MICU3: variants seen among roughly 807,000 people sequenced by gnomAD.
MICU3 encodes mitochondrial calcium uptake 3, also known as calcium uptake protein 3, mitochondrial.
In MICU3, 62 loss-of-function variants were observed where a neutral mutation model predicts 66.5. The ratio of observed to expected loss-of-function variants is 0.93; its 90% confidence interval spans 0.76 to 1.15. The LOEUF is 1.15. Among genes scored for constraint, MICU3 ranks in the 50% most tolerant of loss-of-function variants. The pLI is 0.00. For synonymous variants in MICU3, 308 were observed against 240.7 expected (o/e 1.28, Z -2.59); for missense variants, 779 against 664.4 (o/e 1.17, Z -1.90).
intron 2 of MICU3, among the ~76,000 whole-genome samples, chr8:17,068,671 T>C (rs953823090): frequency 2.0e-5 from 3 of 152,218 alleles, no homozygotes; most frequent in African/African-American, 7.2e-5. Context: ...AAGAAATCTA[T>C]CCTTAGAAAC....
intron 1 of MICU3, among the ~76,000 whole-genome samples, chr8:17,036,253 C>T (rs1041007396): frequency 1.3e-5 from 2 of 152,060 alleles, no homozygotes; most frequent in African/African-American, 4.8e-5. Context: ...GGCTCGTGGT[C>T]TTGCTGGGCT....
intron 10 of MICU3, among the ~76,000 whole-genome samples, chr8:17,105,180 G>C (rs1801634150): frequency 6.6e-6 from 1 of 151,872 alleles, no homozygotes; most frequent in Non-Finnish European, 1.5e-5. Flanking sequence ...TATAGATGAG[G>C]AAACTAAACC....
At chr8:17,072,140 A>T (rs755237859) in intron 3 of MICU3, among the ~76,000 whole-genome samples, 4 of 152,166 alleles carry the variant, frequency 2.6e-5, no homozygotes, top group Non-Finnish European at 4.4e-5. Flanking sequence ...GGTTGATCAC[A>T]TATCAAGATT....
At chr8:17,034,218 T>C (rs542300708) in intron 1 of MICU3, among the ~76,000 whole-genome samples, 8 of 152,344 alleles carry the variant, frequency 5.3e-5, no homozygotes, top group Admixed American at 3.9e-4. Context: ...CACATCTGTT[T>C]ACAGCATGGT....
In MICU3 at chr8:17,098,638, A is replaced by T. The variant is rs896553030; in HGVS notation, c.984+85A>T. The stretch of plus-strand genomic sequence containing the variant: ...ATTTCATTTTAGTCACAGTGATGAA[A>T]CCCAACATGTATGTTACATTTTCCA... On this transcript the variant is annotated intron_variant, in intron 9 of 14. Coordinates refer to ENST00000318063, the MANE Select transcript of MICU3 (RefSeq NM_181723.3). The T allele has an allele frequency of 5.7e-6, 5 of 872,416 alleles. No individual in the cohort carries two copies. In the East Asian group the frequency reaches 1.2e-4, roughly 21 times the overall value. The allele number at this position is 872,416 out of a possible 1,614,324, so 54.0% of individuals were successfully genotyped here.
At chr8:17,054,480 T>G (rs1563301060) in intron 1 of MICU3, among the ~76,000 whole-genome samples, 1 of 152,164 alleles carries the variant, frequency 6.6e-6, no homozygotes, top group Non-Finnish European at 1.5e-5. Context: ...ATACTTTGAG[T>G]ATAGCAATCT....
chr8:17,135,762 T>C, the MICU3 span, among the ~76,000 whole-genome samples: 2 of 152,088 alleles, frequency 1.3e-5, no homozygotes, highest in African/African-American at 4.8e-5. Flanking sequence ...GAAGAAAGTA[T>C]CCTTTATTTC....
the MICU3 span, among the ~76,000 whole-genome samples, chr8:17,135,489 A>G: frequency 6.6e-6 from 1 of 152,028 alleles, no homozygotes; most frequent in South Asian, 2.1e-4. Flanking sequence ...TTCAGCACTT[A>G]ACTGAACTCT....
chr8:17,030,871 A>G (rs895433135), intron 1 of MICU3, among the ~76,000 whole-genome samples: 1 of 152,152 alleles, frequency 6.6e-6, no homozygotes, highest in Non-Finnish European at 1.5e-5. Context: ...CTGTTCTCTT[A>G]AGTCAATTAT....
intron 3 of MICU3, among the ~76,000 whole-genome samples, chr8:17,074,534 C>CA (rs1349058200): frequency 6.7e-6 from 1 of 149,988 alleles, no homozygotes; most frequent in Non-Finnish European, 1.5e-5. Context: ...GCAGCAACAA[C>CA]AAAAATACTA....
chr8:17,031,261 A>ATTTTTTTTT (rs1168836075), intron 1 of MICU3, among the ~76,000 whole-genome samples: 13 of 77,424 alleles, frequency 1.7e-4, no homozygotes, highest in African/African-American at 6.9e-4. Context: ...CTGCCACTTC[A>ATTTTTTTTT]TTTATTATTA....
At chr8:17,123,469 AAAAT>A (rs1357687057), downstream of MICU3, among the ~76,000 whole-genome samples, 6 of 152,234 alleles carry the variant, frequency 3.9e-5, no homozygotes, top group South Asian at 1.2e-3. Flanking sequence ...AGTTTTTGGA[AAAAT>A]AAATGTAAAG....
chr8:17,037,867 C>T (rs1386483355), intron 1 of MICU3, among the ~76,000 whole-genome samples: 1 of 152,166 alleles, frequency 6.6e-6, no homozygotes, highest in South Asian at 2.1e-4. Context: ...GACATGGAGT[C>T]AAAGGAGATC....
the MICU3 span, chr8:17,132,799 G>A: frequency 1.3e-5 from 2 of 152,200 alleles, no homozygotes; most frequent in African/African-American, 2.4e-5. Context: ...TGTTGCTACG[G>A]TCTGAATGTT....
intron 8 of MICU3, 91 bp from the exon 9 acceptor site, chr8:17,098,367 T>C (rs1800947625): frequency 1.1e-6 from 1 of 891,396 alleles, no homozygotes; most frequent in South Asian, 1.3e-5. Flanking sequence ...ATGTGTTTCC[T>C]TTTCAAGGTT....
intron 1 of MICU3, among the ~76,000 whole-genome samples, chr8:17,043,205 C>T (rs1212816153): frequency 4.6e-5 from 7 of 152,082 alleles, no homozygotes; most frequent in African/African-American, 1.4e-4. Flanking sequence ...TCCCAAATGG[C>T]TGGGATTACA....
intron 1 of MICU3, among the ~76,000 whole-genome samples, chr8:17,044,165 T>G (rs920504323): frequency 3.3e-5 from 5 of 152,170 alleles, no homozygotes; most frequent in Non-Finnish European, 7.3e-5. Context: ...AGCCGTAGAT[T>G]GGGTTGAACA....
At chr8:17,082,215 A>T (rs1244550866) in intron 5 of MICU3, among the ~76,000 whole-genome samples, 2 of 152,112 alleles carry the variant, frequency 1.3e-5, no homozygotes, top group African/African-American at 4.8e-5. Context: ...GTTTTCAGTT[A>T]AATTTCTTTG....
chr8:17,087,783 C>T (rs1457282800), intron 7 of MICU3, among the ~76,000 whole-genome samples: 1 of 151,976 alleles, frequency 6.6e-6, no homozygotes, highest in African/African-American at 2.4e-5. Context: ...AATGGCAAAG[C>T]CAAAGATTTG....
Sources: gnomAD v4.1 joint callset for allele counts (sites outside exome capture counted in the v4.1 genomes callset) on GRCh38, gnomAD v4.1.1 for gene constraint, MANE v1.5 for transcripts, NCBI Gene and HGNC (gene_info 2026-07-23, HGNC 2026-07-21) for gene names.